The following KCNH1 variants were observed in gnomAD, a reference collection of about 807,000 sequenced individuals.
KCNH1 encodes the protein potassium voltage-gated channel subfamily H member 1.
In KCNH1, 27 loss-of-function variants were observed where a neutral mutation model predicts 69.2. The observed-to-expected ratio is 0.39, with a 90% CI of 0.29 to 0.54. The LOEUF is 0.54. Ranked by LOEUF, KCNH1 falls within the 20% of genes least tolerant of loss-of-function variation. The pLI, the probability that KCNH1 is intolerant of heterozygous loss-of-function variation, is 0.68. For synonymous variants in KCNH1, 456 were observed against 487.7 expected (o/e 0.93, Z 0.86); for missense variants, 798 against 1,261.6 (o/e 0.63, Z 5.57).
chr1:210,764,127 C>A (rs999736087), intron 10 of KCNH1, among the ~76,000 whole-genome samples: 2 of 152,056 alleles, frequency 1.3e-5, no homozygotes, highest in African/African-American at 4.8e-5. Context: ...GGAAAGAATA[C>A]CCTATTCAAT....
At chr1:211,123,748 A>G (rs772674542) in intron 1 of KCNH1, among the ~76,000 whole-genome samples, 2 of 152,190 alleles carry the variant, frequency 1.3e-5, no homozygotes, top group East Asian at 1.9e-4. Flanking sequence ...CAAGAGACCA[A>G]TAATAGCAAG....
At chr1:210,747,531 T>C (rs1683186088) in intron 10 of KCNH1, among the ~76,000 whole-genome samples, 1 of 151,962 alleles carries the variant, frequency 6.6e-6, no homozygotes, top group Non-Finnish European at 1.5e-5. Flanking sequence ...GGGGCTGATA[T>C]ATACCACTAT....
In KCNH1 at chr1:210,915,059, C is replaced by A. The variant is rs566227413; in HGVS notation, c.1462+4581G>T. Among the ~76,000 whole-genome samples the A allele has an allele frequency of 2.6e-4, 40 of 152,204 alleles. No individual in the cohort carries two copies. The South Asian group carries it at 6.4e-3, about 24-fold the overall frequency. On this transcript the variant is annotated intron_variant, in intron 7 of 10. Transcript: ENST00000271751. ...AACTGTCTCTTTGCCATCAAATTAC[C>A]CCCAGAGAGCTCCCCCAAACAGGGT...
rs1057363429 is a variant in KCNH1 at position 210,678,475 on chromosome 1, G to A, written c.*4806C>T. On this transcript the variant is annotated 3_prime_UTR_variant, in exon 11 of 11. Transcript: ENST00000271751. ...CCACAGATATACAGTGGTGTTCTTG[G>A]CAGCATCCTCAGCTGACCACAAAAA... 2.6e-5 allele frequency: 4 copies of A among 152,096 alleles called. No homozygotes were observed. Among genetic ancestry groups the A allele is most frequent in the Non-Finnish European group, 5.9e-5 (4 of 68,028 alleles). 9.4% of individuals were successfully genotyped at this position (152,096 alleles called of 1,614,324 possible). A position where few individuals can be genotyped will look rare whatever the true frequency, so the allele number is the denominator to read the frequency against.
intron 5 of KCNH1, among the ~76,000 whole-genome samples, chr1:211,026,876 A>T (rs898164558): frequency 6.6e-6 from 1 of 152,110 alleles, no homozygotes; most frequent in African/African-American, 2.4e-5. Flanking sequence ...TAACAAGGAG[A>T]AGCACCCCAC....
At chr1:211,042,505 C>T (rs1391577601) in intron 5 of KCNH1, among the ~76,000 whole-genome samples, 1 of 152,144 alleles carries the variant, frequency 6.6e-6, no homozygotes, top group African/African-American at 2.4e-5. Context: ...AGATATACAG[C>T]AACACAATAA....
At chr1:210,875,263 T>C (rs1247913104) in intron 7 of KCNH1, among the ~76,000 whole-genome samples, 2 of 152,174 alleles carry the variant, frequency 1.3e-5, no homozygotes, top group Non-Finnish European at 2.9e-5. Flanking sequence ...TTTCAAAAGC[T>C]TTCCCATTAA....
intron 4 of KCNH1, among the ~76,000 whole-genome samples, chr1:211,086,872 G>A (rs1372527191): frequency 6.6e-6 from 1 of 152,160 alleles, no homozygotes; most frequent in East Asian, 1.9e-4. Context: ...CAAACATCCA[G>A]CAAAGAACAG....
intron 7 of KCNH1, among the ~76,000 whole-genome samples, chr1:210,838,656 C>T (rs915990847): frequency 6.6e-6 from 1 of 152,070 alleles, no homozygotes; most frequent in African/African-American, 2.4e-5. Context: ...AACATTTTTG[C>T]AATATATCCA....
intron 10 of KCNH1, among the ~76,000 whole-genome samples, chr1:210,718,317 TATAA>T (rs1391570834): frequency 1.8e-5 from 1 of 55,712 alleles, no homozygotes; most frequent in African/African-American, 5.6e-5. Flanking sequence ...TATATGTGTA[TATAA>T]ATATATATAA....
At chr1:210,734,410 G>T (rs1350162279) in intron 10 of KCNH1, among the ~76,000 whole-genome samples, 1 of 152,184 alleles carries the variant, frequency 6.6e-6, no homozygotes, top group African/African-American at 2.4e-5. Flanking sequence ...AGAAGGTACA[G>T]GGAGCAAGAG....
At chr1:210,766,665 A>C (rs1215436592) in intron 10 of KCNH1, among the ~76,000 whole-genome samples, 1 of 152,250 alleles carries the variant, frequency 6.6e-6, no homozygotes, top group African/African-American at 2.4e-5. Context: ...TCAAAATTTC[A>C]ATCTAGAAAT....
rs17017137 is a variant in KCNH1, at chr1:211,024,953, C to A, written c.559-5697G>T. Among the ~76,000 whole-genome samples the A allele has an allele frequency of 5.1e-3, 776 of 152,228 alleles. 10 individuals carry two copies. The highest frequency in any genetic ancestry group is 0.018 in the African/African-American group (737 of 41,546). On this transcript the variant is annotated intron_variant, in intron 5 of 10. Coordinates refer to ENST00000271751, the MANE Select transcript of KCNH1 (RefSeq NM_172362.3). ...ACCTAGCAAGAGATGGTGACAGGAT[C>A]ACAAAACAGATCTAACTAGATTCAA...
intron 6 of KCNH1, among the ~76,000 whole-genome samples, chr1:210,965,242 T>C (rs978520326): frequency 2.0e-5 from 3 of 152,156 alleles, no homozygotes; most frequent in Admixed American, 6.6e-5. Context: ...TGTTGGAAGT[T>C]CCAGCCAGAG....
intron 5 of KCNH1, among the ~76,000 whole-genome samples, chr1:211,070,821 C>CA (rs35631739): frequency 0.45 from 59,113 of 130,024 alleles, 12,806 homozygotes; most frequent in Middle Eastern, 0.51. Context: ...GACTCCATCT[C>CA]AAAAAAAAAA....
intron 5 of KCNH1, among the ~76,000 whole-genome samples, chr1:211,020,041 T>A (rs138698968): frequency 1.2e-3 from 187 of 151,488 alleles, no homozygotes; most frequent in African/African-American, 4.2e-3. Context: ...AATGCCTACA[T>A]CAAAGAAGTA....
chr1:210,886,877 A>G (rs1020219592), intron 7 of KCNH1, among the ~76,000 whole-genome samples: 2 of 152,116 alleles, frequency 1.3e-5, no homozygotes, highest in Admixed American at 1.3e-4. Flanking sequence ...AACAAAGCCT[A>G]TAAGAAAAGT....
chr1:210,763,523 T>C (rs1190831021), intron 10 of KCNH1, among the ~76,000 whole-genome samples: 1 of 152,094 alleles, frequency 6.6e-6, no homozygotes, highest in African/African-American at 2.4e-5. Flanking sequence ...AGTCTCAGGA[T>C]ACAAAATCAA....
intron 9 of KCNH1, among the ~76,000 whole-genome samples, chr1:210,794,595 G>GT (rs1214218972): frequency 6.6e-6 from 1 of 152,178 alleles, no homozygotes; most frequent in African/African-American, 2.4e-5. Flanking sequence ...CTAGGAAGCT[G>GT]TTTGTCTTCC....
Sources: gnomAD v4.1 joint callset for allele counts (sites outside exome capture counted in the v4.1 genomes callset) on GRCh38, gnomAD v4.1.1 for gene constraint, MANE v1.5 for transcripts, NCBI Gene and HGNC (gene_info 2026-07-23, HGNC 2026-07-21) for gene names.